The following AFF2 variants were observed in gnomAD, a reference collection of about 807,000 sequenced individuals.
AFF2 encodes AF4/FMR2 family member 2.
AFF2 carries 14 observed loss-of-function variants against 76.9 expected under a neutral mutation model. The ratio of observed to expected loss-of-function variants is 0.18; its 90% CI spans 0.12 to 0.28. The LOEUF (loss-of-function observed/expected upper bound fraction) is 0.28, where lower values mean the gene tolerates loss of function less well. Ranked by LOEUF, AFF2 falls within the 10% of genes least tolerant of loss-of-function variation. The probability of loss-of-function intolerance (pLI) is 1.00; values close to 1 mark genes in which losing one functional copy is unlikely to be tolerated. For synonymous variants in AFF2, 398 were observed against 366.7 expected, an observed-to-expected ratio of 1.09 and a Z score of -0.98; for missense variants, 868 against 1,001.1, an observed-to-expected ratio of 0.87 and a Z score of 1.79.
intron 3 of AFF2, among the ~76,000 whole-genome samples, chrX:148,773,746 G>GAAAGAAAGAAAGAAAGAA (rs782497527): frequency 1.4e-5 from 1 of 69,184 alleles, no homozygotes; most frequent in African/African-American, 5.2e-5. Flanking sequence ...AAGAAAGAAA[G>GAAAGAAAGAAAGAAAGAA]AGAAAGAAAG....
chrX:148,589,156 T>C (rs2053497701), intron 1 of AFF2, among the ~76,000 whole-genome samples: 1 of 111,063 alleles, frequency 9.0e-6, no homozygotes, highest in African/African-American at 3.3e-5. Context: ...TTAACTGTGC[T>C]GATGTGACTT....
chrX:148,602,354 G>C (rs781977050), intron 1 of AFF2, among the ~76,000 whole-genome samples: 2 of 111,226 alleles, frequency 1.8e-5, no homozygotes, highest in Non-Finnish European at 3.8e-5. Context: ...GCAGTGGGAA[G>C]TTGTTGGAGA....
At position 148,994,456 on chromosome X, in the gene AFF2, G is replaced by A. The variant is rs955769620; in HGVS notation, c.*3124G>A. 7.1e-5 allele frequency: 8 copies of A among 112,064 alleles called. No individual in the cohort carries two copies. The highest frequency in any genetic ancestry group is 7.5e-4 in the South Asian group (2 of 2,670). 9.2% of individuals were successfully genotyped at this position (112,064 alleles called of 1,213,427 possible). A position where few individuals can be genotyped will look rare whatever the true frequency, so the allele number is the denominator to read the frequency against. On this transcript the variant is annotated 3_prime_UTR_variant, in exon 21 of 21. Coordinates refer to ENST00000370460, the MANE Select transcript of AFF2 (RefSeq NM_002025.4). The stretch of plus-strand genomic sequence containing the variant: ...CTGTTAATTACTTAATAATCTCATT[G>A]GGAAAATACTAGTAGTTTTATATTT...
chrX:148,987,432 A>G lies in AFF2; in HGVS notation c.3689A>G (p.Asn1230Ser), dbSNP rs2072485585. ...ATCAACGCAATGGGGAACTGTAACAATGGCCCAGTCACCATTCCCCAGCGC... is the reference window on the plus strand; with the variant it reads ...ATCAACGCAATGGGGAACTGTAACAGTGGCCCAGTCACCATTCCCCAGCGC... ...SPINAMGNCN[N>S]GPVTIPQRIH... Residue 1230 changes from asparagine to serine, a missense_variant, in exon 20 of 21, where the codon AAT becomes AGT. Physicochemically the swap from Asn to Ser is conservative, Grantham distance 46 (BLOSUM62 1). Coordinates refer to ENST00000370460, the MANE Select transcript of AFF2 (RefSeq NM_002025.4). 8.3e-7 allele frequency: 1 copy of G among 1,210,857 alleles called. No homozygotes were observed. The highest frequency in any genetic ancestry group is 1.1e-6 in the Non-Finnish European group (1 of 894,880).
chrX:148,655,127 C>T (rs1557256865), intron 2 of AFF2, among the ~76,000 whole-genome samples: 1 of 110,682 alleles, frequency 9.0e-6, no homozygotes, highest in East Asian at 2.9e-4. Flanking sequence ...AATCTGTTAT[C>T]AACATTTTCA....
chrX:148,848,783 C>T (rs1248463560), intron 7 of AFF2, among the ~76,000 whole-genome samples: 1 of 112,269 alleles, frequency 8.9e-6, no homozygotes, highest in Non-Finnish European at 1.9e-5. Flanking sequence ...TTACTAGTTG[C>T]AGACATTTTG....
intron 3 of AFF2, among the ~76,000 whole-genome samples, chrX:148,670,457 A>G (rs1237912479): frequency 8.9e-6 from 1 of 112,036 alleles, no homozygotes; most frequent in Non-Finnish European, 1.9e-5. Flanking sequence ...ATAATAGCAT[A>G]TACAGAAAGG....
At position 148,809,881 on chromosome X, in the gene AFF2, C is replaced by A; in HGVS notation, c.1047C>A (p.Ser349Arg). The A allele has an allele frequency of 8.3e-7, 1 of 1,210,475 alleles. No homozygotes were observed. Among genetic ancestry groups the A allele is most frequent in the Non-Finnish European group, 1.1e-6 (1 of 894,570 alleles). Residue 349 changes from serine to arginine, a missense_variant, in exon 4 of 21, where the codon AGC becomes AGA. Physicochemically the swap from Ser to Arg is moderately radical, Grantham distance 110. This residue lies in a region of AFF2 where 532 missense variants were observed against 564.2 expected (regional missense o/e 0.94). Transcript: ENST00000370460. ...TTCTGTTTATTTTGTTTCAGGTAAG[C>A]CTTCCCAGTGATCCAAGCTGTGTTG... Reference protein sequence around the residue: ...KFTILQTSEVSLPSDPSCVEE... With the variant: ...KFTILQTSEVRLPSDPSCVEE...
intron 1 of AFF2, among the ~76,000 whole-genome samples, chrX:148,531,189 C>G (rs142632573): frequency 8.9e-6 from 1 of 111,761 alleles, no homozygotes; most frequent in Non-Finnish European, 1.9e-5. Context: ...TCCCCATCCC[C>G]CATCTGACAC....
chrX:148,542,971 T>C (rs1391380262), intron 1 of AFF2, among the ~76,000 whole-genome samples: 2 of 111,795 alleles, frequency 1.8e-5, no homozygotes, highest in Admixed American at 1.9e-4. Context: ...GAAATCTGTT[T>C]CTGAAACCAG....
chrX:148,866,337 G>A (rs1305251658), intron 7 of AFF2, among the ~76,000 whole-genome samples: 1 of 111,886 alleles, frequency 8.9e-6, no homozygotes. Context: ...GTTTGTCCCT[G>A]CTTAAAGAAG....
chrX:148,738,156 C>G (rs975383845), intron 3 of AFF2, among the ~76,000 whole-genome samples: 14 of 111,173 alleles, frequency 1.3e-4, no homozygotes. Flanking sequence ...AGGGTTCTTT[C>G]TTTCTCTATC....
chrX:148,732,449 T>G, intron 3 of AFF2, among the ~76,000 whole-genome samples: 2 of 71,431 alleles, frequency 2.8e-5, no homozygotes, highest in African/African-American at 5.6e-5. Flanking sequence ...GGGGGAGGGG[T>G]AGCATTGGGA....
chrX:148,738,697 A>G (rs1557265353), intron 3 of AFF2, among the ~76,000 whole-genome samples: 1 of 110,364 alleles, frequency 9.1e-6, no homozygotes, highest in Non-Finnish European at 1.9e-5. Context: ...TAGTTCCTTG[A>G]GGTGTGACCT....
chrX:148,874,651 G>A lies in AFF2; in HGVS notation c.1263-11238G>A, dbSNP rs945279099. On this transcript the variant is annotated intron_variant, in intron 7 of 20. Transcript: ENST00000370460. ...GTTTCAGAATTAGAAAGCCAATCCT[G>A]TCTAATTCATTAGTATATGGTAATA... Among the ~76,000 whole-genome samples the A allele has an allele frequency of 3.6e-5, 4 of 112,073 alleles. No homozygotes were observed. In the Admixed American group the frequency reaches 3.8e-4, roughly 11 times the overall value.
intron 8 of AFF2, among the ~76,000 whole-genome samples, chrX:148,887,499 C>G (rs1478809297): frequency 8.9e-6 from 1 of 112,097 alleles, no homozygotes; most frequent in Non-Finnish European, 1.9e-5. Context: ...ACATTGACTT[C>G]CTCTTTATGT....
chrX:148,841,879 G>A (rs782430948), intron 5 of AFF2, among the ~76,000 whole-genome samples: 21 of 111,867 alleles, frequency 1.9e-4, no homozygotes, highest in Admixed American at 2.9e-4. Context: ...TCTGCCTCTT[G>A]TTGAGTTTGT....
chrX:148,664,319 G>T (rs1274967209), intron 3 of AFF2, among the ~76,000 whole-genome samples: 2 of 112,046 alleles, frequency 1.8e-5, no homozygotes, highest in Non-Finnish European at 3.8e-5. Flanking sequence ...ATGTGCAGTT[G>T]AAATCCCAGC....
chrX:148,671,757 A>G (rs1301776870), intron 3 of AFF2, among the ~76,000 whole-genome samples: 1 of 108,754 alleles, frequency 9.2e-6, no homozygotes, highest in Non-Finnish European at 1.9e-5. Context: ...CAGCTGGGGT[A>G]TTCTTATATT....
Sources: gnomAD v4.1 joint callset for allele counts (sites outside exome capture counted in the v4.1 genomes callset) on GRCh38, gnomAD v4.1.1 for gene constraint, gnomAD v4.1.1 regional missense constraint, MANE v1.5 for transcripts, NCBI Gene and HGNC (gene_info 2026-07-23, HGNC 2026-07-21) for gene names.